KYAT3: variants seen among roughly 807,000 people sequenced by gnomAD.
KYAT3 encodes kynurenine--oxoglutarate transaminase 3.
KYAT3 carries 50 observed loss-of-function variants against 59.0 expected under a neutral mutation model. The observed-to-expected ratio is 0.85, with a 90% CI of 0.68 to 1.07. The LOEUF (loss-of-function observed/expected upper bound fraction) is 1.07, where lower values mean the gene tolerates loss of function less well. Among genes scored for constraint, KYAT3 ranks in the 50% least tolerant of loss-of-function variants. KYAT3 has a pLI of 0.00. For synonymous variants in KYAT3, 148 were observed against 177.0 expected, an observed-to-expected ratio of 0.84 and a Z score of 1.30; for missense variants, 497 against 533.3, an observed-to-expected ratio of 0.93 and a Z score of 0.67.
intron 13 of KYAT3, among the ~76,000 whole-genome samples, chr1:88,940,743 A>AG (rs2101014334): frequency 6.6e-6 from 1 of 152,304 alleles, no homozygotes; most frequent in East Asian, 1.9e-4. Flanking sequence ...GACCAACCAG[A>AG]GTCTCCTTTC....
chr1:88,980,846 T>C (rs1170367737), intron 2 of KYAT3: 3 of 152,196 alleles, frequency 2.0e-5, no homozygotes, highest in Non-Finnish European at 4.4e-5. Flanking sequence ...ACTATGGAAG[T>C]GTAACAACCA....
At chr1:88,975,387 G>A (rs888812689) in intron 2 of KYAT3, among the ~76,000 whole-genome samples, 6 of 152,078 alleles carry the variant, frequency 3.9e-5, no homozygotes, top group Non-Finnish European at 7.4e-5. Flanking sequence ...TCCTGACCTC[G>A]TGATCTGCCC....
chr1:88,975,444 C>T (rs1299265880), intron 2 of KYAT3, among the ~76,000 whole-genome samples: 1 of 152,190 alleles, frequency 6.6e-6, no homozygotes, highest in East Asian at 1.9e-4. Flanking sequence ...AGCCACAGCG[C>T]CCAGCCCCAC....
At chr1:88,949,501 G>A (rs1339014498) in intron 10 of KYAT3, among the ~76,000 whole-genome samples, 1 of 152,196 alleles carries the variant, frequency 6.6e-6, no homozygotes, top group Non-Finnish European at 1.5e-5. Context: ...CTGAGAAGGA[G>A]TCCTGAAAAT....
chr1:88,985,480 C>T lies in KYAT3; in HGVS notation c.99+2772G>A, dbSNP rs184696666. Reference sequence around the variant, plus strand: ...TGTGTTCAATCCCTCACACACATGCCATGTTCTGTGCCAAAAACACACCTA... The same window carrying T: ...TGTGTTCAATCCCTCACACACATGCTATGTTCTGTGCCAAAAACACACCTA... On this transcript the variant is annotated intron_variant, in intron 2 of 13. Transcript: ENST00000260508. Among the ~76,000 whole-genome samples the T allele has an allele frequency of 1.2e-3, 179 of 152,326 alleles. 1 individual carries two copies. The Middle Eastern group carries it at 0.014, about 12-fold the overall frequency.
the KYAT3 span, among the ~76,000 whole-genome samples, chr1:88,926,781 C>A: frequency 5.9e-4 from 90 of 152,194 alleles, 1 homozygote; most frequent in Admixed American, 1.7e-3. Context: ...AAAGTACTTA[C>A]AGAATCAAAA....
chr1:88,925,681 GAAGA>G, the KYAT3 span, among the ~76,000 whole-genome samples: 94 of 134,102 alleles, frequency 7.0e-4, 1 homozygote, highest in Non-Finnish European at 1.1e-3. Context: ...AAGAGAGATG[GAAGA>G]GAGAGAGAGA....
the KYAT3 span, chr1:88,923,910 CTG>C: frequency 6.0e-6 from 1 of 166,996 alleles, no homozygotes; most frequent in Non-Finnish European, 1.3e-5. Context: ...GGAAGTACAT[CTG>C]TAGATGATGA....
At chr1:88,988,230 T>G (rs760953440) in intron 2 of KYAT3, 22 bp downstream of exon 2, 12 of 1,491,466 alleles carry the variant, frequency 8.0e-6, no homozygotes, top group Non-Finnish European at 1.1e-5. Flanking sequence ...CAATAATTTA[T>G]CTGTAAGTAA....
At chr1:88,943,123 A>C (rs1285185612) in intron 12 of KYAT3, 32 bp from the exon 13 acceptor site, 1 of 1,464,392 alleles carries the variant, frequency 6.8e-7, no homozygotes, top group East Asian at 2.3e-5. Flanking sequence ...ATAATAAGAA[A>C]ACTACTTACA....
intron 2 of KYAT3, 142 bp from the exon 3 acceptor site, chr1:88,969,609 A>G: frequency 1.7e-6 from 1 of 586,830 alleles, no homozygotes. Context: ...CTCCAACACA[A>G]AATTCTGAAG....
In KYAT3 at chr1:88,987,158, T is replaced by A. The variant is rs186041521; in HGVS notation, c.99+1094A>T. On this transcript the variant is annotated intron_variant, in intron 2 of 13. Coordinates refer to ENST00000260508, the MANE Select transcript of KYAT3 (RefSeq NM_001008661.3). Reference sequence around the variant, plus strand: ...CAAAATACATTCCAGATATGTAGAATTAGAATGCATAATGGTGAGCCCTGG... The same window carrying A: ...CAAAATACATTCCAGATATGTAGAAATAGAATGCATAATGGTGAGCCCTGG... 2.3e-3 allele frequency among the ~76,000 whole-genome samples: 344 copies of A among 152,338 alleles called. 4 individuals are homozygous for A. The highest frequency in any genetic ancestry group is 8.1e-3 in the African/African-American group (338 of 41,580).
chr1:88,974,116 A>G (rs1024069164), intron 2 of KYAT3, among the ~76,000 whole-genome samples: 20 of 152,226 alleles, frequency 1.3e-4, no homozygotes, highest in South Asian at 4.1e-4. Flanking sequence ...AAACAGAACC[A>G]GGCTTGGGAA....
intron 1 of KYAT3, among the ~76,000 whole-genome samples, chr1:88,990,902 C>T (rs1677755636): frequency 6.6e-6 from 1 of 152,128 alleles, no homozygotes; most frequent in Middle Eastern, 3.4e-3. Flanking sequence ...TAGATGTCAT[C>T]GAAAAGTTGG....
At chr1:88,981,324 T>A (rs951919156) in intron 2 of KYAT3, 7 of 152,384 alleles carry the variant, frequency 4.6e-5, no homozygotes. Context: ...CCATCATTTT[T>A]ATAATTCATC....
downstream of KYAT3, among the ~76,000 whole-genome samples, chr1:88,930,897 A>T (rs184871850): frequency 2.5e-4 from 38 of 152,272 alleles, no homozygotes; most frequent in Admixed American, 1.4e-3. Flanking sequence ...CGCCAAGCAG[A>T]TATTGAAGCC....
the KYAT3 span, among the ~76,000 whole-genome samples, chr1:88,926,016 C>T: frequency 3.3e-5 from 5 of 152,052 alleles, no homozygotes; most frequent in Admixed American, 2.6e-4. Flanking sequence ...CCCAGGAACC[C>T]GCGGGTGGCC....
chr1:88,983,884 G>T (rs1677272461), intron 2 of KYAT3: 1 of 1,603,848 alleles, frequency 6.2e-7, no homozygotes, highest in Admixed American at 1.7e-5. Context: ...CAACAAGCTC[G>T]CCGACAGGGG....
chr1:88,977,150 G>T (rs1676821850), intron 2 of KYAT3, among the ~76,000 whole-genome samples: 1 of 152,110 alleles, frequency 6.6e-6, no homozygotes, highest in African/African-American at 2.4e-5. Flanking sequence ...GAGTAGCTGG[G>T]ACTACAGGCA....
Sources: gnomAD v4.1 joint callset for allele counts (sites outside exome capture counted in the v4.1 genomes callset) on GRCh38, gnomAD v4.1.1 for gene constraint, MANE v1.5 for transcripts, NCBI Gene and HGNC (gene_info 2026-07-23, HGNC 2026-07-21) for gene names.